The following MGA variants were observed in gnomAD, a reference collection of about 807,000 sequenced individuals.
The protein encoded by MGA is MAX gene-associated protein.
A neutral mutation model predicts 261.1 loss-of-function variants in MGA; 40 were observed. The ratio of observed to expected loss-of-function variants is 0.15; its 90% CI spans 0.12 to 0.20. The LOEUF (loss-of-function observed/expected upper bound fraction) is 0.20, where lower values mean the gene tolerates loss of function less well. MGA is among the 10% of genes least tolerant of loss of function. The pLI is 1.00. For synonymous variants in MGA, 1,302 were observed against 1,290.6 expected, an observed-to-expected ratio of 1.01 and a Z score of -0.19; for missense variants, 3,397 against 3,630.5, an observed-to-expected ratio of 0.94 and a Z score of 1.65.
At chr15:41,680,977 T>C (rs1184050205) in intron 2 of MGA, among the ~76,000 whole-genome samples, 1 of 152,190 alleles carries the variant, frequency 6.6e-6, no homozygotes, top group Non-Finnish European at 1.5e-5. Flanking sequence ...GGGGGTCTAC[T>C]ACAGGTCATG....
intron 1 of MGA, among the ~76,000 whole-genome samples, chr15:41,631,971 A>AC (rs2056598619): frequency 2.0e-5 from 3 of 152,120 alleles, no homozygotes; most frequent in Non-Finnish European, 4.4e-5. Context: ...GGTTTATCTG[A>AC]TCATATTACT....
chr15:41,734,580 C>T lies in MGA; in HGVS notation c.3902C>T (p.Ser1301Phe). 1 of 1,601,450 alleles carries T rather than the reference C, an allele frequency of 6.2e-7. No individual in the cohort carries two copies. The highest frequency in any genetic ancestry group is 1.7e-5 in the Admixed American group (1 of 58,498). The change falls in exon 12 of 24, where the codon TCT becomes TTT. Residue 1301 changes from serine (S) to phenylalanine (F), a missense_variant. By Grantham distance (155) the Ser-to-Phe change is radical (BLOSUM62 -2). Transcript: ENST00000219905. Reference sequence around the variant, plus strand: ...CTCACCTGTGACTTGGAGGATGATTCTGATAAATTACAAGGTCAGAATGAA... The same window carrying T: ...CTCACCTGTGACTTGGAGGATGATTTTGATAAATTACAAGGTCAGAATGAA...
chr15:41,638,399 T>C (rs905710770), intron 1 of MGA, among the ~76,000 whole-genome samples: 1 of 151,578 alleles, frequency 6.6e-6, no homozygotes, highest in East Asian at 1.9e-4. Flanking sequence ...ACAATCTTGC[T>C]CTGTCACCCA....
chr15:41,691,574 A>T (rs1352149765), intron 2 of MGA: 1 of 475,864 alleles, frequency 2.1e-6, no homozygotes, highest in South Asian at 1.6e-5. Flanking sequence ...AAGTAAGTAG[A>T]CGTGGCAAGA....
At chr15:41,750,714 T>A in intron 17 of MGA, 99 bp downstream of exon 17, 1 of 1,083,392 alleles carries the variant, frequency 9.2e-7, no homozygotes, top group Non-Finnish European at 1.3e-6. Context: ...ATAATACATT[T>A]AATTGGATGC....
chr15:41,629,455 A>G lies in MGA; in HGVS notation c.-68+8157A>G, dbSNP rs151050334. ...AGCTGACTATTAAATTCTAGAGCCT[A>G]GGGTCAAGATCAGGGTTGCGAATAT... On this transcript the variant is annotated intron_variant, in intron 1 of 8. Transcript: ENST00000566718. 6.8e-3 allele frequency among the ~76,000 whole-genome samples: 1,032 copies of G among 152,262 alleles called. 14 individuals are homozygous for G. Among genetic ancestry groups the G allele is most frequent in the Non-Finnish European group, 0.012 (813 of 68,004 alleles).
chr15:41,638,688 CTTT>C (rs761492514), intron 1 of MGA, among the ~76,000 whole-genome samples: 6 of 115,638 alleles, frequency 5.2e-5, no homozygotes, highest in Non-Finnish European at 9.0e-5. Flanking sequence ...TTTTCTTTTT[CTTT>C]TTTTTTTTTT....
chr15:41,680,167 C>T (rs1203367432), intron 2 of MGA, among the ~76,000 whole-genome samples: 8 of 152,164 alleles, frequency 5.3e-5, no homozygotes, highest in South Asian at 2.1e-4. Context: ...TGTGGTAAGG[C>T]GTTTTTCTAA....
chr15:41,631,503 A>G (rs540411593), intron 1 of MGA, among the ~76,000 whole-genome samples: 5 of 152,340 alleles, frequency 3.3e-5, no homozygotes, highest in South Asian at 4.1e-4. Context: ...CCCTGTCTCT[A>G]TGAAAACATA....
intron 3 of MGA, among the ~76,000 whole-genome samples, chr15:41,698,229 C>T (rs990127508): frequency 7.4e-6 from 1 of 135,914 alleles, no homozygotes; most frequent in South Asian, 2.6e-4. Context: ...AGTGCAGTGG[C>T]ACAATCTTGG....
At position 41,727,196 on chromosome 15, in the gene MGA, G is replaced by A. The variant is rs2061297342; in HGVS notation, c.3447G>A (p.Glu1149=). The A allele has an allele frequency of 6.2e-7, 1 of 1,613,492 alleles. No homozygotes were observed. The highest frequency in any genetic ancestry group is 1.3e-5 in the African/African-American group (1 of 74,898). The change falls in exon 10 of 24, where the codon GAG becomes GAA. Residue 1149 remains glutamate, a synonymous_variant. Coordinates refer to ENST00000219905, the MANE Select transcript of MGA (RefSeq NM_001164273.2). ...TTTGTTAAGCTATATGTGAGACAGA[G>A]CCTGAACAGCCTGTTCGACATTACC... is the stretch of plus-strand genomic sequence containing the variant.
At chr15:41,692,009 T>C (rs942927374) in intron 2 of MGA, among the ~76,000 whole-genome samples, 1 of 152,196 alleles carries the variant, frequency 6.6e-6, no homozygotes, top group Admixed American at 6.5e-5. Context: ...TCTCTTCAAG[T>C]ATTTCTTCAC....
chr15:41,764,809 G>T (rs1244567256), intron 22 of MGA, 77 bp from the exon 23 acceptor site: 2 of 1,448,754 alleles, frequency 1.4e-6, no homozygotes, highest in Non-Finnish European at 1.9e-6. Context: ...CTCCCAAAGT[G>T]CTGGGATTAC....
At position 41,696,772 on chromosome 15, in the gene MGA, A is replaced by G. The variant is rs1246426343; in HGVS notation, c.1762A>G (p.Thr588Ala). Residue 588 changes from threonine to alanine, a missense_variant, in exon 3 of 24, where the codon ACA (threonine) becomes GCA (alanine). Thr to Ala is a moderately conservative substitution (Grantham distance 58). Around this residue, in one of 9 missense-constraint regions of MGA, gnomAD observed 563 missense variants for 563.6 expected, o/e 1.00. Transcript: ENST00000219905. ...AAAAGAGGACTTGGGCAGAAAGAGA[A>G]CAACTATGCTTAAGATTGCAACAGC... 1 of 1,608,970 alleles carries G rather than the reference A, an allele frequency of 6.2e-7. No individual in the cohort carries two copies. The highest frequency in any genetic ancestry group is 8.5e-7 in the Non-Finnish European group (1 of 1,177,536).
rs1399493980 is a variant in MGA at position 41,644,934 on chromosome 15, G to C, written c.-68+23636G>C. On this transcript the variant is annotated intron_variant, in intron 1 of 8. Transcript: ENST00000566718. ...CACTGTGGGCCAAGAGGCAAAATAG[G>C]GTATTATGTAGGTACATATATTAAA... 3.9e-5 allele frequency among the ~76,000 whole-genome samples: 6 copies of C among 152,052 alleles called. 1 individual carries two copies. The South Asian group carries it at 8.3e-4, about 21-fold the overall frequency.
rs1595961986 is a variant in MGA, at chr15:41,748,645, G to C, written c.5221G>C (p.Ala1741Pro). Reference sequence around the variant, plus strand: ...CATTTCCTGTTTTTCAGAAAATGCTGCTCAAATTCCAGTGGCTACTCCACA... The same window carrying C: ...CATTTCCTGTTTTTCAGAAAATGCTCCTCAAATTCCAGTGGCTACTCCACA... Residue 1741 changes from alanine to proline, a missense_variant, in exon 16 of 24, where the codon GCT becomes CCT. Ala to Pro is a conservative substitution (Grantham distance 27, BLOSUM62 -1). Transcript: ENST00000219905. 6.2e-7 allele frequency: 1 copy of C among 1,608,576 alleles called. No individual in the cohort carries two copies. Among genetic ancestry groups the C allele is most frequent in the Non-Finnish European group, 8.5e-7 (1 of 1,175,960 alleles).
chr15:41,681,691 C>T (rs2058688398), intron 2 of MGA, among the ~76,000 whole-genome samples: 1 of 152,144 alleles, frequency 6.6e-6, no homozygotes. Context: ...CTGAAGTGAT[C>T]TTCCTGCCTT....
intron 9 of MGA, among the ~76,000 whole-genome samples, chr15:41,723,358 A>G (rs966856343): frequency 1.2e-4 from 18 of 152,240 alleles, no homozygotes; most frequent in South Asian, 4.2e-4. Context: ...CATGGCTTCA[A>G]TTCTACTAGT....
At chr15:41,699,653 C>T (rs1057321279) in intron 5 of MGA, among the ~76,000 whole-genome samples, 2 of 151,800 alleles carry the variant, frequency 1.3e-5, no homozygotes, top group Admixed American at 1.3e-4. Context: ...AGGCGCCTGC[C>T]ACCGCGCCTG....
Sources: gnomAD v4.1 joint callset for allele counts (sites outside exome capture counted in the v4.1 genomes callset) on GRCh38, gnomAD v4.1.1 for gene constraint, gnomAD v4.1.1 regional missense constraint, MANE v1.5 for transcripts, NCBI Gene and HGNC (gene_info 2026-07-23, HGNC 2026-07-21) for gene names.